The following REXO5 variants were observed in gnomAD, a reference collection of about 807,000 sequenced individuals.
REXO5 encodes the protein RNA exonuclease 5, also known as exonuclease NEF-sp.
A neutral mutation model predicts 88.5 loss-of-function variants in REXO5; 48 were observed. That is an observed-to-expected ratio of 0.54 (90% CI 0.43 to 0.69). REXO5 has a LOEUF of 0.69. Ranked by LOEUF, REXO5 falls within the 30% of genes least tolerant of loss-of-function variation. The pLI, the probability that REXO5 is intolerant of heterozygous loss-of-function variation, is 0.00. For missense variants in REXO5, 749 were observed against 912.2 expected (o/e 0.82, Z 2.30); for synonymous variants, 311 against 336.5 (o/e 0.92, Z 0.83).
chr16:20,845,219 C>A lies in REXO5; in HGVS notation c.2102C>A (p.Pro701His), dbSNP rs142000603. 1.1e-3 allele frequency: 1,745 copies of A among 1,613,114 alleles called. 2 individuals carry two copies. Among genetic ancestry groups the A allele is most frequent in the Non-Finnish European group, 1.3e-3 (1,571 of 1,179,644 alleles). Residue 701 changes from proline to histidine, a missense_variant, in exon 18 of 20, where the codon CCC becomes CAC. By Grantham distance (77) the Pro-to-His change is moderately conservative. Coordinates refer to ENST00000261377, the MANE Select transcript of REXO5 (RefSeq NM_030941.3). ...CCAGGGCTTCGTGTTGTACCTCCCC[C>A]CTTTGAACAGGAGGCCTTGCAGGTG... The part of the protein sequence containing the change: ...RLPGLRVVPP[P>H]FEQEALQTLK...
chr16:20,843,848 C>T, intron 15 of REXO5, 86 bp from the exon 16 acceptor site: 1 of 892,656 alleles, frequency 1.1e-6, no homozygotes. Context: ...TGGCTTTGGC[C>T]ACTGTAGTTT....
At chr16:20,817,116 A>G (rs1330046749) in intron 5 of REXO5, among the ~76,000 whole-genome samples, 1 of 152,250 alleles carries the variant, frequency 6.6e-6, no homozygotes, top group South Asian at 2.1e-4. Flanking sequence ...GTGTTCAGAA[A>G]TAATTAATTG....
At chr16:20,837,759 A>C (rs543160423) in intron 13 of REXO5, among the ~76,000 whole-genome samples, 1 of 151,270 alleles carries the variant, frequency 6.6e-6, no homozygotes, top group East Asian at 1.9e-4. Flanking sequence ...TTCTCACTTT[A>C]TGTCTTGGCT....
intron 2 of REXO5, among the ~76,000 whole-genome samples, chr16:20,812,582 C>T (rs1391215825): frequency 6.6e-6 from 1 of 152,120 alleles, no homozygotes; most frequent in East Asian, 1.9e-4. Context: ...GGGAGCTTTG[C>T]TGAACTCTTG....
At chr16:20,807,516 G>A (rs1037912969) in intron 2 of REXO5, among the ~76,000 whole-genome samples, 1 of 148,518 alleles carries the variant, frequency 6.7e-6, no homozygotes, top group Non-Finnish European at 1.5e-5. Context: ...CCAGGAACCA[G>A]AGGTTGCAAT....
At chr16:20,847,055 G>A (rs1790770221) in intron 19 of REXO5, among the ~76,000 whole-genome samples, 1 of 152,124 alleles carries the variant, frequency 6.6e-6, no homozygotes, top group South Asian at 2.1e-4. Context: ...AGGGAAAGAT[G>A]GTGGCTTTTT....
chr16:20,840,599 C>A, intron 15 of REXO5, 131 bp downstream of exon 15: 1 of 694,216 alleles, frequency 1.4e-6, no homozygotes, highest in Non-Finnish European at 2.3e-6. Flanking sequence ...GAGACATACT[C>A]TAATGAGAGC....
intron 6 of REXO5, 68 bp from the exon 7 acceptor site, chr16:20,824,371 C>A: frequency 2.3e-6 from 2 of 869,954 alleles, no homozygotes; most frequent in Non-Finnish European, 3.8e-6. Context: ...GTTTTACCTG[C>A]TTGAATCTAA....
intron 5 of REXO5, among the ~76,000 whole-genome samples, chr16:20,820,656 C>T (rs545033432): frequency 2.8e-5 from 4 of 141,734 alleles, no homozygotes; most frequent in South Asian, 2.3e-4. Context: ...CTCTGCCTCC[C>T]GAGTTCAAGC....
chr16:20,818,499 C>T (rs891999637), intron 5 of REXO5, among the ~76,000 whole-genome samples: 1 of 152,154 alleles, frequency 6.6e-6, no homozygotes, highest in Non-Finnish European at 1.5e-5. Flanking sequence ...AACAGAGTCT[C>T]GCTCTGTCGC....
At position 20,817,250 on chromosome 16, in the gene REXO5, G is replaced by T. The variant is rs533758525; in HGVS notation, c.475+1038G>T. On this transcript the variant is annotated intron_variant, in intron 5 of 19. Transcript: ENST00000261377. ...ACTTCTAATTTTCTATCTTTCTGTTGTTCTCTTCTTCTCATGGATGCCCAT... is the reference window on the plus strand; with the variant it reads ...ACTTCTAATTTTCTATCTTTCTGTTTTTCTCTTCTTCTCATGGATGCCCAT... 3.1e-4 allele frequency among the ~76,000 whole-genome samples: 47 copies of T among 152,154 alleles called. No homozygotes were observed. In the South Asian group the frequency reaches 9.5e-3, roughly 31 times the overall value.
Position 20,828,427 on chromosome 16 carries a change from C to T in REXO5, c.1056-8C>T, listed in dbSNP as rs763900398. On this transcript the variant is annotated splice_polypyrimidine_tract_variant and splice_region_variant and intron_variant, in intron 10 of 19. Coordinates refer to ENST00000261377, the MANE Select transcript of REXO5 (RefSeq NM_030941.3). ...TTCCAGTATGTCAATTTTATATTGA[C>T]TTTCCAGGAAGGATATACAGTGTCC... 2 of 1,588,438 alleles carry T rather than the reference C, an allele frequency of 1.3e-6. No individual in the cohort carries two copies. Among genetic ancestry groups the T allele is most frequent in the Non-Finnish European group, 1.7e-6 (2 of 1,156,898 alleles).
chr16:20,837,087 T>C (rs182152530), intron 13 of REXO5, among the ~76,000 whole-genome samples: 1 of 152,336 alleles, frequency 6.6e-6, no homozygotes, highest in East Asian at 1.9e-4. Flanking sequence ...TCTCATTCTC[T>C]TTATCGTATA....
chr16:20,806,626 C>T lies in REXO5; in HGVS notation c.-82C>T, dbSNP rs2152497207. On this transcript the variant is annotated 5_prime_UTR_variant, in exon 1 of 20. Coordinates refer to ENST00000261377, the MANE Select transcript of REXO5 (RefSeq NM_030941.3). ...AGGGGGCGTGGGGAGTGGTTTTAGG[C>T]GGCGAAGCCGCTCGGCAGCACCTTC... 1 of 1,316,618 alleles carries T rather than the reference C, an allele frequency of 7.6e-7. No homozygotes were observed. Among genetic ancestry groups the T allele is most frequent in the East Asian group, 2.6e-5 (1 of 38,684 alleles). The allele number at this position is 1,316,618 out of a possible 1,614,324, so 81.6% of individuals were successfully genotyped here.
At position 20,816,124 on chromosome 16, in the gene REXO5, C is replaced by CT; in HGVS notation, c.389dup (p.Leu130PhefsTer7). Reference sequence around the variant, plus strand: ...TGTTAATATATTTTCAGAAATTCCGCTTGCCTCCACCATCATCTGATTTTC... The same window carrying CT: ...TGTTAATATATTTTCAGAAATTCCGCTTTGCCTCCACCATCATCTGATTTTC... On this transcript the variant is annotated frameshift_variant, in exon 5 of 20. Transcript: ENST00000261377. LOFTEE classifies it high-confidence loss of function. The CT allele has an allele frequency of 1.9e-6, 3 of 1,613,762 alleles. No individual in the cohort carries two copies. Among genetic ancestry groups the CT allele is most frequent in the Non-Finnish European group, 2.5e-6 (3 of 1,179,884 alleles).
At position 20,825,923 on chromosome 16, in the gene REXO5, A is replaced by C; in HGVS notation, c.796A>C (p.Asn266His). The C allele has an allele frequency of 6.2e-7, 1 of 1,613,738 alleles. No homozygotes were observed. Among genetic ancestry groups the C allele is most frequent in the Non-Finnish European group, 8.5e-7 (1 of 1,179,812 alleles). Residue 266 changes from asparagine to histidine, a missense_variant, in exon 8 of 20, where the codon AAC (asparagine) becomes CAC (histidine). By Grantham distance (68) the Asn-to-His change is moderately conservative. Transcript: ENST00000261377. ...TATGGATGAACTGGTCAAACCTGAA[A>C]ACAAGATTCTGGACTACCTCACCAG... is the stretch of plus-strand genomic sequence containing the variant. The part of the protein sequence containing the change: ...CVMDELVKPE[N>H]KILDYLTSFS...
chr16:20,840,339 C>A lies in REXO5; in HGVS notation c.1497C>A (p.Ile499=). The A allele has an allele frequency of 6.5e-7, 1 of 1,546,274 alleles. No homozygotes were observed. Among genetic ancestry groups the A allele is most frequent in the Non-Finnish European group, 8.8e-7 (1 of 1,134,486 alleles). ...TGTTGTTTTTCCTACAGATGAGGATCAAGTGGACAGAGATATCAACTGTCT... is the reference window on the plus strand; with the variant it reads ...TGTTGTTTTTCCTACAGATGAGGATAAAGTGGACAGAGATATCAACTGTCT... The part of the protein sequence containing the change: ...LTEEMNKRMR[I]KWTEISTVYA... Residue 499 remains isoleucine (I), a synonymous_variant, in exon 15 of 20, where the codon ATC becomes ATA. Transcript: ENST00000261377.
chr16:20,842,912 C>A (rs1477628234), intron 15 of REXO5, among the ~76,000 whole-genome samples: 2 of 152,122 alleles, frequency 1.3e-5, no homozygotes, highest in Non-Finnish European at 2.9e-5. Context: ...TTTTGAGGAA[C>A]CATTATACTG....
chr16:20,833,989 T>TTTTA (rs961227545), intron 13 of REXO5, among the ~76,000 whole-genome samples: 15 of 152,252 alleles, frequency 9.9e-5, no homozygotes, highest in Admixed American at 8.5e-4. Flanking sequence ...TACAATTACT[T>TTTTA]GTCATATCTT....
Sources: allele counts gnomAD v4.1 joint callset (sites outside exome capture counted in the v4.1 genomes callset), GRCh38; gene constraint gnomAD v4.1.1; transcripts MANE v1.5; gene names NCBI Gene and HGNC (gene_info 2026-07-23, HGNC 2026-07-21).